The following ZNF385D variants were observed in gnomAD, a reference collection of about 807,000 sequenced individuals.
ZNF385D encodes the protein zinc finger protein 385D, also known as zinc finger protein 659.
Under a neutral mutation model 35.8 loss-of-function variants are expected in ZNF385D, and 15 were observed. That is an observed-to-expected ratio of 0.42 (90% CI 0.28 to 0.64). ZNF385D has a LOEUF of 0.64. Among genes scored for constraint, ZNF385D ranks in the 30% least tolerant of loss-of-function variants. The probability of loss-of-function intolerance (pLI) is 0.23; values close to 1 mark genes in which losing one functional copy is unlikely to be tolerated. For missense variants in ZNF385D, 474 were observed against 494.6 expected, an observed-to-expected ratio of 0.96 and a Z score of 0.39; for synonymous variants, 212 against 186.8, an observed-to-expected ratio of 1.13 and a Z score of -1.10.
intron 1 of ZNF385D, among the ~76,000 whole-genome samples, chr3:21,737,119 T>C (rs1310869889): frequency 6.6e-6 from 1 of 152,120 alleles, no homozygotes; most frequent in Non-Finnish European, 1.5e-5. Context: ...TTTGTATTTT[T>C]AGTAGGAACG....
intron 3 of ZNF385D, among the ~76,000 whole-genome samples, chr3:21,758,403 G>A (rs1202163959): frequency 6.6e-6 from 1 of 152,146 alleles, no homozygotes; most frequent in Non-Finnish European, 1.5e-5. Context: ...TGTGGAAGGA[G>A]ACAATGGTCA....
At chr3:22,369,429 A>G (rs1378014956) in intron 2 of ZNF385D, among the ~76,000 whole-genome samples, 1 of 152,164 alleles carries the variant, frequency 6.6e-6, no homozygotes, top group Non-Finnish European at 1.5e-5. Flanking sequence ...ATACTCTTCT[A>G]AGGTTAAATA....
At chr3:22,291,358 CT>C (rs779699925) in intron 2 of ZNF385D, among the ~76,000 whole-genome samples, 2 of 152,016 alleles carry the variant, frequency 1.3e-5, no homozygotes, top group African/African-American at 2.4e-5. Context: ...CCTATGAGTT[CT>C]TGTGCTTTAA....
chr3:21,932,324 T>G (rs2125250330), intron 3 of ZNF385D, among the ~76,000 whole-genome samples: 1 of 152,082 alleles, frequency 6.6e-6, no homozygotes, highest in Middle Eastern at 3.4e-3. Flanking sequence ...AATCTAGAAC[T>G]AAGGAAAAAA....
At chr3:21,908,993 A>AT (rs1207974900) in intron 3 of ZNF385D, among the ~76,000 whole-genome samples, 3 of 152,080 alleles carry the variant, frequency 2.0e-5, no homozygotes, top group Non-Finnish European at 2.9e-5. Flanking sequence ...AAACCTCAGA[A>AT]TTTTTTTTAA....
chr3:21,786,677 A>G (rs1487190219), intron 3 of ZNF385D, among the ~76,000 whole-genome samples: 1 of 152,212 alleles, frequency 6.6e-6, no homozygotes. Flanking sequence ...TAATAAGGCC[A>G]TTTATACTTT....
At chr3:22,152,039 T>G (rs1028031503) in intron 3 of ZNF385D, among the ~76,000 whole-genome samples, 8 of 152,096 alleles carry the variant, frequency 5.3e-5, no homozygotes, top group Non-Finnish European at 1.2e-4. Flanking sequence ...CAGGGTTTGT[T>G]GTTCCCCTCT....
chr3:21,825,488 A>G (rs905434343), intron 3 of ZNF385D, among the ~76,000 whole-genome samples: 1 of 152,200 alleles, frequency 6.6e-6, no homozygotes, highest in Non-Finnish European at 1.5e-5. Context: ...AAATAAAAAA[A>G]AAAGTGTAGA....
At chr3:22,325,330 G>A (rs1415284801) in intron 2 of ZNF385D, among the ~76,000 whole-genome samples, 1 of 152,194 alleles carries the variant, frequency 6.6e-6, no homozygotes, top group Non-Finnish European at 1.5e-5. Flanking sequence ...ATTTATTTTA[G>A]TGGTGAGAAG....
intron 3 of ZNF385D, among the ~76,000 whole-genome samples, chr3:21,839,547 G>C (rs2125783255): frequency 6.6e-6 from 1 of 152,180 alleles, no homozygotes; most frequent in East Asian, 1.9e-4. Context: ...AACTCTATTA[G>C]GCAAGAGAGG....
intron 4 of ZNF385D, among the ~76,000 whole-genome samples, chr3:21,481,548 C>T (rs947507414): frequency 6.6e-6 from 1 of 152,068 alleles, no homozygotes; most frequent in African/African-American, 2.4e-5. Context: ...TTTTCCTTCA[C>T]AGACAGGGTC....
At chr3:21,601,045 C>G (rs995349424) in intron 2 of ZNF385D, among the ~76,000 whole-genome samples, 4 of 151,854 alleles carry the variant, frequency 2.6e-5, no homozygotes, top group African/African-American at 9.7e-5. Flanking sequence ...TAATAATACT[C>G]CTAATGAATA....
At chr3:21,958,890 G>C (rs562848683) in intron 3 of ZNF385D, 1 of 152,034 alleles carries the variant, frequency 6.6e-6, no homozygotes, top group Admixed American at 6.6e-5. Flanking sequence ...AATCATTGAA[G>C]ATAAATGAAA....
At chr3:22,341,992 G>A (rs1003491142) in intron 2 of ZNF385D, among the ~76,000 whole-genome samples, 1 of 152,102 alleles carries the variant, frequency 6.6e-6, no homozygotes, top group East Asian at 1.9e-4. Context: ...AAGACTGAAT[G>A]AGGCCGGGCG....
intron 3 of ZNF385D, among the ~76,000 whole-genome samples, chr3:21,817,996 C>T (rs2073228355): frequency 6.6e-6 from 1 of 152,068 alleles, no homozygotes; most frequent in African/African-American, 2.4e-5. Flanking sequence ...TTCTATGCAG[C>T]CATAAAAAAG....
chr3:21,992,404 A>T (rs1220354035), intron 3 of ZNF385D, among the ~76,000 whole-genome samples: 3 of 152,160 alleles, frequency 2.0e-5, no homozygotes, highest in Admixed American at 2.0e-4. Context: ...AGGAGGTAGA[A>T]TAACCGTTTC....
Position 21,419,232 on chromosome 3 carries a change from TCTTTC to T in ZNF385D, c.*1977_*1981del, listed in dbSNP as rs1206356458. The stretch of plus-strand genomic sequence containing the variant: ...TTCCATTCTTCCTTCCTTCCTTCCT[TCTTTC>T]CTTCTTTTTTTTTGTTTTTGTTTTG... On this transcript the variant is annotated 3_prime_UTR_variant, in exon 8 of 8. Transcript: ENST00000281523. 6.5e-6 allele frequency: 1 copy of T among 153,504 alleles called. No individual in the cohort carries two copies. Among genetic ancestry groups the T allele is most frequent in the African/African-American group, 2.4e-5 (1 of 41,244 alleles). The allele number at this position is 153,504 out of a possible 1,614,324, so 9.5% of individuals were successfully genotyped here.
At chr3:21,478,836 A>G (rs553731785) in intron 4 of ZNF385D, among the ~76,000 whole-genome samples, 14 of 152,272 alleles carry the variant, frequency 9.2e-5, no homozygotes, top group African/African-American at 2.9e-4. Flanking sequence ...GACAGAAAGA[A>G]AGATAACTTA....
intron 3 of ZNF385D, among the ~76,000 whole-genome samples, chr3:21,522,341 T>C (rs1707959915): frequency 6.6e-6 from 1 of 152,086 alleles, no homozygotes. Context: ...GCTTTTGTTT[T>C]AACTTTTTTT....
Sources: gnomAD v4.1 joint callset for allele counts (sites outside exome capture counted in the v4.1 genomes callset) on GRCh38, gnomAD v4.1.1 for gene constraint, MANE v1.5 for transcripts, NCBI Gene and HGNC (gene_info 2026-07-23, HGNC 2026-07-21) for gene names.